The following ZFPM2 variants were observed in gnomAD, a reference collection of about 807,000 sequenced individuals.
The protein encoded by ZFPM2 is zinc finger protein ZFPM2.
A neutral mutation model predicts 98.6 loss-of-function variants in ZFPM2; 20 were observed. The ratio of observed to expected loss-of-function variants is 0.20; its 90% CI spans 0.14 to 0.29. The LOEUF is 0.29. Among genes scored for constraint, ZFPM2 ranks in the 10% least tolerant of loss-of-function variants. The pLI is 1.00. For synonymous variants in ZFPM2, 518 were observed against 502.7 expected (o/e 1.03, Z -0.41); for missense variants, 1,310 against 1,388.6 (o/e 0.94, Z 0.90).
intron 1 of ZFPM2, among the ~76,000 whole-genome samples, chr8:105,360,148 C>G (rs1283326935): frequency 6.6e-6 from 1 of 152,140 alleles, no homozygotes; most frequent in Non-Finnish European, 1.5e-5. Context: ...ACAATTTCAT[C>G]AGGCTGTTTT....
chr8:105,721,979 A>G (rs1419872059), intron 5 of ZFPM2, among the ~76,000 whole-genome samples: 2 of 151,950 alleles, frequency 1.3e-5, no homozygotes, highest in South Asian at 2.1e-4. Flanking sequence ...TACTATATAT[A>G]GGTATAATTA....
At chr8:105,590,762 G>GCGCACACA (rs111553086) in intron 4 of ZFPM2, among the ~76,000 whole-genome samples, 20 of 149,924 alleles carry the variant, frequency 1.3e-4, no homozygotes, top group Non-Finnish European at 1.9e-4. Context: ...ACGTGCGCAC[G>GCGCACACA]CACACACACA....
intron 6 of ZFPM2, among the ~76,000 whole-genome samples, chr8:105,793,506 G>A (rs957790620): frequency 6.6e-6 from 1 of 152,014 alleles, no homozygotes; most frequent in Non-Finnish European, 1.5e-5. Context: ...TTTCTCTCTG[G>A]CTGCCCTTAA....
chr8:105,586,842 A>AATATTTTATATATATAT (rs879632720), intron 4 of ZFPM2, among the ~76,000 whole-genome samples: 15,113 of 136,950 alleles, frequency 0.11, 979 homozygotes, highest in South Asian at 0.22. Context: ...TTTATATATA[A>AATATTTTATATATATAT]ATATTTTATA....
At chr8:105,563,202 G>A (rs1372483909) in intron 4 of ZFPM2, among the ~76,000 whole-genome samples, 2 of 152,042 alleles carry the variant, frequency 1.3e-5, no homozygotes, top group African/African-American at 4.8e-5. Flanking sequence ...ATTACATGAA[G>A]GAAATCCCTT....
intron 1 of ZFPM2, among the ~76,000 whole-genome samples, chr8:105,406,991 G>T (rs1347121746): frequency 6.6e-6 from 1 of 151,898 alleles, no homozygotes; most frequent in Non-Finnish European, 1.5e-5. Flanking sequence ...GAGGAAGGTG[G>T]TGTGGTATGA....
intron 1 of ZFPM2, among the ~76,000 whole-genome samples, chr8:105,360,463 C>T (rs6987212): frequency 0.83 from 125,975 of 152,156 alleles, 52,309 homozygotes; most frequent in East Asian, 0.97. Flanking sequence ...GGGGAACATA[C>T]TTTTATTTAT....
intron 5 of ZFPM2, among the ~76,000 whole-genome samples, chr8:105,731,581 G>T (rs1041793674): frequency 6.6e-6 from 1 of 151,504 alleles, no homozygotes; most frequent in Non-Finnish European, 1.5e-5. Flanking sequence ...AAGTTTCTGA[G>T]CGAACTTTGT....
chr8:105,691,102 T>C (rs1359415808), intron 5 of ZFPM2, among the ~76,000 whole-genome samples: 1 of 152,148 alleles, frequency 6.6e-6, no homozygotes, highest in Admixed American at 6.5e-5. Flanking sequence ...TAGCCTTCTT[T>C]TAATTCCTCA....
chr8:105,684,536 G>A (rs1465627562), intron 5 of ZFPM2, among the ~76,000 whole-genome samples: 1 of 152,032 alleles, frequency 6.6e-6, no homozygotes, highest in Non-Finnish European at 1.5e-5. Context: ...GCAGCTGTTA[G>A]GTCATCTCTA....
chr8:105,803,377 G>C lies in ZFPM2; in HGVS notation c.3295G>C (p.Glu1099Gln), dbSNP rs1401593135. 19 of 1,613,482 alleles carry C rather than the reference G, an allele frequency of 1.2e-5. No homozygotes were observed. The highest frequency in any genetic ancestry group is 1.6e-5 in the Non-Finnish European group (19 of 1,179,586). The change falls in exon 8 of 8, where the codon GAA (glutamate) becomes CAA (glutamine). Residue 1099 changes from glutamate to glutamine, a missense_variant. Transcript: ENST00000407775. ...CTCACCAGGAATTCCCTCAGCAGAGGAACAGTTGTCTAGTATAGCAAAAGG... is the reference window on the plus strand; with the variant it reads ...CTCACCAGGAATTCCCTCAGCAGAGCAACAGTTGTCTAGTATAGCAAAAGG... ...NVSPGIPSAE[E>Q]QLSSIAKGVN...
chr8:105,647,331 A>G (rs532571278), intron 5 of ZFPM2, among the ~76,000 whole-genome samples: 1 of 152,170 alleles, frequency 6.6e-6, no homozygotes, highest in East Asian at 1.9e-4. Flanking sequence ...ATTCACCACT[A>G]AAGTGCAATC....
At chr8:105,785,943 G>A (rs1401089085) in intron 5 of ZFPM2, among the ~76,000 whole-genome samples, 1 of 150,048 alleles carries the variant, frequency 6.7e-6, no homozygotes, top group Non-Finnish European at 1.5e-5. Context: ...TCGGGAGGCT[G>A]AGTCAGGAGA....
chr8:105,445,501 C>T (rs140641842), intron 3 of ZFPM2, among the ~76,000 whole-genome samples: 283 of 151,688 alleles, frequency 1.9e-3, no homozygotes, highest in African/African-American at 6.4e-3. Context: ...GGGAAAGATT[C>T]CCTCGATTAA....
At chr8:105,465,593 A>G (rs1274543222) in intron 3 of ZFPM2, among the ~76,000 whole-genome samples, 1 of 152,030 alleles carries the variant, frequency 6.6e-6, no homozygotes, top group Non-Finnish European at 1.5e-5. Context: ...TGATATATAT[A>G]GTTGAGCTAC....
chr8:105,440,947 C>T (rs1453525498), intron 2 of ZFPM2, among the ~76,000 whole-genome samples: 7 of 151,802 alleles, frequency 4.6e-5, no homozygotes, highest in African/African-American at 1.5e-4. Context: ...GTCAAGAGAT[C>T]GCGACCATCC....
intron 3 of ZFPM2, among the ~76,000 whole-genome samples, chr8:105,487,538 A>G (rs913362020): frequency 6.6e-6 from 1 of 152,202 alleles, no homozygotes; most frequent in Non-Finnish European, 1.5e-5. Context: ...TCTGTAAAGG[A>G]CTACTTATGG....
At chr8:105,381,420 C>G (rs1466355664) in intron 1 of ZFPM2, among the ~76,000 whole-genome samples, 1 of 152,046 alleles carries the variant, frequency 6.6e-6, no homozygotes, top group African/African-American at 2.4e-5. Context: ...GATACCCAAT[C>G]AGAGAATTTG....
intron 3 of ZFPM2, among the ~76,000 whole-genome samples, chr8:105,497,706 A>G (rs1813503244): frequency 6.6e-6 from 1 of 152,120 alleles, no homozygotes; most frequent in Non-Finnish European, 1.5e-5. Flanking sequence ...GGAGTGAAGG[A>G]ACGGATAAGA....
Sources: allele counts gnomAD v4.1 joint callset (sites outside exome capture counted in the v4.1 genomes callset), GRCh38; gene constraint gnomAD v4.1.1; transcripts MANE v1.5; gene names NCBI Gene and HGNC (gene_info 2026-07-23, HGNC 2026-07-21).